Variants in MGMT observed in about 807,000 individuals in gnomAD.
MGMT encodes the protein O-6-methylguanine-DNA methyltransferase.
In MGMT, 14 loss-of-function variants were observed where a neutral mutation model predicts 15.9. The observed-to-expected ratio is 0.88, with a 90% CI of 0.58 to 1.37. The LOEUF is 1.37. Ranked by LOEUF, MGMT falls within the 40% of genes most tolerant of loss-of-function variation. MGMT has a pLI of 0.00. For missense variants in MGMT, 282 were observed against 268.1 expected (o/e 1.05, Z -0.36); for synonymous variants, 130 against 118.2 (o/e 1.10, Z -0.65).
intron 2 of MGMT, among the ~76,000 whole-genome samples, chr10:129,573,846 T>G (rs556699423): frequency 7.9e-5 from 12 of 152,330 alleles, no homozygotes; most frequent in African/African-American, 2.6e-4. Flanking sequence ...TTAATGTTGT[T>G]ATAAAATTAT....
At chr10:129,675,716 T>C (rs992097834) in intron 2 of MGMT, among the ~76,000 whole-genome samples, 2 of 152,170 alleles carry the variant, frequency 1.3e-5, no homozygotes, top group Non-Finnish European at 2.9e-5. Flanking sequence ...ACACACCCAC[T>C]GCTGCTGCTG....
chr10:129,623,482 G>A (rs982911323), intron 2 of MGMT, among the ~76,000 whole-genome samples: 1 of 152,116 alleles, frequency 6.6e-6, no homozygotes, highest in Non-Finnish European at 1.5e-5. Flanking sequence ...TGCCTGGCAT[G>A]CATTGCTTTC....
At chr10:129,561,021 A>G (rs78923411) in intron 2 of MGMT, among the ~76,000 whole-genome samples, 4,867 of 149,230 alleles carry the variant, frequency 0.033, 131 homozygotes, top group South Asian at 0.064. Flanking sequence ...CAGCAGTGTT[A>G]TATCTGAAGG....
intron 1 of MGMT, among the ~76,000 whole-genome samples, chr10:129,509,185 A>G (rs1448880795): frequency 6.6e-6 from 1 of 152,098 alleles, no homozygotes; most frequent in African/African-American, 2.4e-5. Context: ...TGAGATGTTT[A>G]TTATTGCTAC....
At chr10:129,600,223 G>A (rs958261171) in intron 2 of MGMT, among the ~76,000 whole-genome samples, 3 of 152,094 alleles carry the variant, frequency 2.0e-5, no homozygotes, top group Non-Finnish European at 2.9e-5. Flanking sequence ...CTGCCATCTC[G>A]CACAAAATTA....
intron 3 of MGMT, among the ~76,000 whole-genome samples, chr10:129,717,452 A>G (rs1359202079): frequency 6.6e-6 from 1 of 152,228 alleles, no homozygotes; most frequent in African/African-American, 2.4e-5. Flanking sequence ...CAAAAAGATT[A>G]TTAGTCCAGG....
chr10:129,664,812 G>C (rs749198385), intron 2 of MGMT, among the ~76,000 whole-genome samples: 1 of 152,142 alleles, frequency 6.6e-6, no homozygotes, highest in African/African-American at 2.4e-5. Context: ...CTTCACCAAA[G>C]AATGCATATA....
intron 1 of MGMT, among the ~76,000 whole-genome samples, chr10:129,534,374 C>G (rs907881963): frequency 2.0e-5 from 3 of 152,004 alleles, no homozygotes; most frequent in Non-Finnish European, 4.4e-5. Flanking sequence ...TGGCACATCC[C>G]ATTTCCATAT....
At chr10:129,641,162 C>T (rs1847324309) in intron 2 of MGMT, among the ~76,000 whole-genome samples, 1 of 152,170 alleles carries the variant, frequency 6.6e-6, no homozygotes, top group African/African-American at 2.4e-5. Context: ...AACCAATTGC[C>T]TTTCTATATA....
intron 1 of MGMT, among the ~76,000 whole-genome samples, chr10:129,520,571 A>ACGG (rs1845794265): frequency 6.7e-6 from 1 of 149,712 alleles, no homozygotes; most frequent in African/African-American, 2.5e-5. Context: ...CAGAGCCTCT[A>ACGG]TGGTGCGGTG....
chr10:129,531,188 G>A (rs945223), intron 1 of MGMT, among the ~76,000 whole-genome samples: 135,991 of 152,066 alleles, frequency 0.89, 61,007 homozygotes, highest in East Asian at 0.99. Context: ...TCCTGATGGG[G>A]TCTCATCACT....
intron 4 of MGMT, among the ~76,000 whole-genome samples, chr10:129,759,845 G>A (rs539922283): frequency 1.3e-5 from 2 of 152,234 alleles, no homozygotes; most frequent in Middle Eastern, 3.4e-3. Context: ...GGGCTCCCTG[G>A]GTCCCAAGAG....
chr10:129,520,619 G>A (rs575463432), intron 1 of MGMT, among the ~76,000 whole-genome samples: 2 of 122,880 alleles, frequency 1.6e-5, no homozygotes, highest in Admixed American at 8.3e-5. Flanking sequence ...CCCCTAAGGT[G>A]CACCTACAGA....
intron 1 of MGMT, among the ~76,000 whole-genome samples, chr10:129,498,419 A>G (rs901745188): frequency 4.6e-5 from 7 of 152,082 alleles, no homozygotes; most frequent in Non-Finnish European, 8.8e-5. Flanking sequence ...CTGTTTCCCT[A>G]ATGTTTGTAT....
At chr10:129,578,688 G>C (rs1007179833) in intron 2 of MGMT, among the ~76,000 whole-genome samples, 4 of 152,128 alleles carry the variant, frequency 2.6e-5, no homozygotes, top group Admixed American at 2.6e-4. Flanking sequence ...ATAATAATAA[G>C]AAAGAAACAA....
At chr10:129,512,786 C>A (rs1845698451) in intron 1 of MGMT, among the ~76,000 whole-genome samples, 1 of 152,152 alleles carries the variant, frequency 6.6e-6, no homozygotes, top group Non-Finnish European at 1.5e-5. Flanking sequence ...AATTGGAACC[C>A]TGTGTGTTGC....
chr10:129,688,315 A>G (rs1335745107), intron 2 of MGMT, among the ~76,000 whole-genome samples: 1 of 152,198 alleles, frequency 6.6e-6, no homozygotes, highest in Non-Finnish European at 1.5e-5. Flanking sequence ...CAACAGTATT[A>G]AAGTGTTCCT....
chr10:129,498,909 C>G (rs1215017053), intron 1 of MGMT, among the ~76,000 whole-genome samples: 1 of 152,112 alleles, frequency 6.6e-6, no homozygotes, highest in Non-Finnish European at 1.5e-5. Context: ...GTCTACTGAC[C>G]CGTGCATCTG....
At chr10:129,589,250 G>T (rs921112399) in intron 2 of MGMT, among the ~76,000 whole-genome samples, 1 of 152,206 alleles carries the variant, frequency 6.6e-6, no homozygotes, top group Non-Finnish European at 1.5e-5. Context: ...CTCATGAGTG[G>T]CTCTGCAGTG....
Sources: gnomAD v4.1 joint callset for allele counts (sites outside exome capture counted in the v4.1 genomes callset) on GRCh38, gnomAD v4.1.1 for gene constraint, MANE v1.5 for transcripts, NCBI Gene and HGNC (gene_info 2026-07-23, HGNC 2026-07-21) for gene names.